The following SPAG16 variants were observed in gnomAD, a reference collection of about 807,000 sequenced individuals.
SPAG16 encodes sperm associated antigen 16.
A neutral mutation model predicts 80.4 loss-of-function variants in SPAG16; 86 were observed. The observed-to-expected ratio is 1.07, with a 90% CI of 0.90 to 1.28. The LOEUF (loss-of-function observed/expected upper bound fraction) is 1.28. SPAG16 is among the 50% of genes most tolerant of loss of function. The pLI is 0.00. For synonymous variants in SPAG16, 294 were observed against 265.9 expected, an observed-to-expected ratio of 1.11 and a Z score of -1.03; for missense variants, 870 against 765.3, an observed-to-expected ratio of 1.14 and a Z score of -1.61.
intron 10 of SPAG16, among the ~76,000 whole-genome samples, chr2:213,512,237 G>C (rs990221159): frequency 1.3e-5 from 2 of 152,126 alleles, no homozygotes; most frequent in Non-Finnish European, 2.9e-5. Context: ...AAACAAACTA[G>C]ACTTTTGAAC....
rs374274176 is a variant in SPAG16 at position 213,980,725 on chromosome 2, T to TATATATAGAGAGAGAGAG, written c.1401-33225_1401-33224insTATATAGAGAGAGAGAGA. Among the ~76,000 whole-genome samples the TATATATAGAGAGAGAGAG allele has an allele frequency of 1.3e-3, 135 of 103,968 alleles. 1 individual carries two copies. Among genetic ancestry groups the TATATATAGAGAGAGAGAG allele is most frequent in the African/African-American group, 3.2e-3 (65 of 20,078 alleles). The allele number at this position is 103,968 out of a possible 152,430, so 68.2% of individuals were successfully genotyped here. ...GTGTGTGTGTGTGTATATATATATA[T>TATATATAGAGAGAGAGAG]AGAGAGAGAGAGAGAGAGAGAGAGA... On this transcript the variant is annotated intron_variant, in intron 12 of 15. Transcript: ENST00000331683.
intron 10 of SPAG16, among the ~76,000 whole-genome samples, chr2:213,694,640 G>T (rs971745126): frequency 6.6e-6 from 1 of 152,086 alleles, no homozygotes; most frequent in Non-Finnish European, 1.5e-5. Flanking sequence ...GGACATTGCT[G>T]TTACCAGGAA....
In SPAG16 at chr2:213,493,198, G is replaced by A. The variant is rs141759786; in HGVS notation, c.1070+3108G>A. Among the ~76,000 whole-genome samples, 643 of 152,242 alleles carry A rather than the reference G, an allele frequency of 4.2e-3. 6 individuals are homozygous for A. Among genetic ancestry groups the A allele is most frequent in the African/African-American group, 0.015 (608 of 41,548 alleles). On this transcript the variant is annotated intron_variant, in intron 10 of 15. Transcript: ENST00000331683. ...TTTGGGCAAAATGCATGACAAGCAC[G>A]ACCTAGGATAATTGCTATAAACTTA...
intron 10 of SPAG16, among the ~76,000 whole-genome samples, chr2:213,578,688 A>T (rs1040884395): frequency 6.6e-6 from 1 of 152,116 alleles, no homozygotes; most frequent in Non-Finnish European, 1.5e-5. Context: ...TGACTCAGGG[A>T]TAGAGTCAAG....
At chr2:213,484,937 T>G (rs2073912815) in intron 9 of SPAG16, among the ~76,000 whole-genome samples, 1 of 152,178 alleles carries the variant, frequency 6.6e-6, no homozygotes, top group African/African-American at 2.4e-5. Flanking sequence ...CTTGTTAGTG[T>G]TCTAGTAGGT....
intron 9 of SPAG16, among the ~76,000 whole-genome samples, chr2:213,478,950 T>C (rs1323009643): frequency 2.0e-5 from 3 of 152,146 alleles, no homozygotes; most frequent in Non-Finnish European, 4.4e-5. Flanking sequence ...AGTCCATAGA[T>C]GCATTTTGTT....
At chr2:214,251,582 A>G (rs1478994962) in intron 15 of SPAG16, among the ~76,000 whole-genome samples, 1 of 152,136 alleles carries the variant, frequency 6.6e-6, no homozygotes, top group Non-Finnish European at 1.5e-5. Flanking sequence ...AAAAATGATC[A>G]GTTAGCAAAT....
chr2:213,791,415 A>G (rs1261915069), intron 10 of SPAG16, among the ~76,000 whole-genome samples: 1 of 152,122 alleles, frequency 6.6e-6, no homozygotes, highest in East Asian at 1.9e-4. Context: ...TATACAAAGA[A>G]AATAGTTTTA....
At chr2:213,998,090 T>G (rs1294548526) in intron 12 of SPAG16, among the ~76,000 whole-genome samples, 1 of 152,250 alleles carries the variant, frequency 6.6e-6, no homozygotes, top group African/African-American at 2.4e-5. Context: ...GTGCCCTTTT[T>G]GTTGATCATG....
chr2:214,014,138 C>A, intron 13 of SPAG16, 61 bp downstream of exon 13: 1 of 1,589,972 alleles, frequency 6.3e-7, no homozygotes, highest in Non-Finnish European at 8.6e-7. Context: ...CTCGGTCATT[C>A]TTTGGGTATG....
At chr2:214,162,400 T>C (rs1350356588) in intron 15 of SPAG16, among the ~76,000 whole-genome samples, 1 of 152,146 alleles carries the variant, frequency 6.6e-6, no homozygotes, top group Non-Finnish European at 1.5e-5. Flanking sequence ...TGGGGACATA[T>C]ATCCTATTAC....
chr2:213,845,748 T>C (rs990536810), intron 10 of SPAG16, among the ~76,000 whole-genome samples: 1 of 152,220 alleles, frequency 6.6e-6, no homozygotes, highest in Non-Finnish European at 1.5e-5. Flanking sequence ...AGGCATCTGA[T>C]ACAATCAGCT....
At chr2:214,010,457 C>G (rs35645581) in intron 12 of SPAG16, among the ~76,000 whole-genome samples, 12,413 of 146,452 alleles carry the variant, frequency 0.085, 1,652 homozygotes, top group South Asian at 0.12. Context: ...GTGGACCTTT[C>G]CATTAGGGTA....
chr2:213,491,984 G>A (rs2074251839), intron 10 of SPAG16, among the ~76,000 whole-genome samples: 1 of 152,162 alleles, frequency 6.6e-6, no homozygotes, highest in South Asian at 2.1e-4. Context: ...GGAAGATTAA[G>A]TTGTGACTTT....
At chr2:213,504,476 C>CA (rs1157744303) in intron 10 of SPAG16, among the ~76,000 whole-genome samples, 5 of 151,542 alleles carry the variant, frequency 3.3e-5, no homozygotes, top group Non-Finnish European at 5.9e-5. Flanking sequence ...AACTTGAGGG[C>CA]AAAAAAATTA....
intron 14 of SPAG16, among the ~76,000 whole-genome samples, chr2:214,121,165 C>G (rs2193783): frequency 0.97 from 147,907 of 151,864 alleles, 72,148 homozygotes; most frequent in East Asian, 1. Context: ...AATATCTCCA[C>G]TATGTAGCAT....
At chr2:213,788,371 A>G (rs1260372192) in intron 10 of SPAG16, among the ~76,000 whole-genome samples, 7 of 151,964 alleles carry the variant, frequency 4.6e-5, no homozygotes, top group African/African-American at 1.4e-4. Flanking sequence ...ATACATATGT[A>G]TATAAATATA....
chr2:214,245,377 C>A (rs1002280801), intron 15 of SPAG16, among the ~76,000 whole-genome samples: 1 of 152,096 alleles, frequency 6.6e-6, no homozygotes, highest in Non-Finnish European at 1.5e-5. Flanking sequence ...CTGCCTTCTG[C>A]ACCACCTTTT....
At chr2:214,251,999 T>C (rs1690324521) in intron 15 of SPAG16, among the ~76,000 whole-genome samples, 1 of 152,164 alleles carries the variant, frequency 6.6e-6, no homozygotes, top group Non-Finnish European at 1.5e-5. Flanking sequence ...TTGAATATTA[T>C]TATTTTGCTT....
Sources: gnomAD v4.1 joint callset for allele counts (sites outside exome capture counted in the v4.1 genomes callset) on GRCh38, gnomAD v4.1.1 for gene constraint, MANE v1.5 for transcripts, NCBI Gene and HGNC (gene_info 2026-07-23, HGNC 2026-07-21) for gene names.